The following UNC13C variants were observed in gnomAD, a reference collection of about 807,000 sequenced individuals.
UNC13C encodes protein unc-13 homolog C.
A neutral mutation model predicts 245.4 loss-of-function variants in UNC13C; 174 were observed. The observed-to-expected ratio is 0.71, with a 90% CI of 0.63 to 0.80. The LOEUF (loss-of-function observed/expected upper bound fraction) is 0.80. Ranked by LOEUF, UNC13C falls within the 30% of genes least tolerant of loss-of-function variation. The pLI is 0.00. For synonymous variants in UNC13C, 992 were observed against 895.1 expected (o/e 1.11, Z -1.93); for missense variants, 2,829 against 2,602.9 (o/e 1.09, Z -1.89).
At chr15:54,256,070 A>G (rs1051427569) in intron 8 of UNC13C, among the ~76,000 whole-genome samples, 5 of 152,222 alleles carry the variant, frequency 3.3e-5, no homozygotes, top group Non-Finnish European at 5.9e-5. Flanking sequence ...TTTAAAAATA[A>G]TCTGACTTCC....
intron 8 of UNC13C, among the ~76,000 whole-genome samples, chr15:54,255,227 G>A (rs1052572509): frequency 2.6e-5 from 4 of 152,258 alleles, no homozygotes; most frequent in Middle Eastern, 6.8e-3. Flanking sequence ...AAGGACAGAG[G>A]GCTTTCTGTA....
rs747615098 is a variant in UNC13C at position 54,293,877 on chromosome 15, A to G, written c.3819-18A>G. 1.3e-6 allele frequency: 2 copies of G among 1,516,826 alleles called. No individual in the cohort carries two copies. The highest frequency in any genetic ancestry group is 1.3e-5 in the South Asian group (1 of 74,212). 94.0% of individuals were successfully genotyped at this position (1,516,826 alleles called of 1,614,324 possible). A position where few individuals can be genotyped will look rare whatever the true frequency, so the allele number is the denominator to read the frequency against. The stretch of plus-strand genomic sequence containing the variant: ...AGCAGTTTTCAATTGTTGTTAACTT[A>G]TCCACATTTATTTTCAGTGAGTGTC... On this transcript the variant is annotated intron_variant, in intron 10 of 32. Transcript: ENST00000260323.
intron 22 of UNC13C, among the ~76,000 whole-genome samples, chr15:54,506,203 A>G (rs1894466277): frequency 6.6e-6 from 1 of 152,176 alleles, no homozygotes; most frequent in South Asian, 2.1e-4. Context: ...ACGATTGCCT[A>G]AAGTCAGGTT....
chr15:53,964,045 G>T, the UNC13C span, among the ~76,000 whole-genome samples: 1 of 152,094 alleles, frequency 6.6e-6, no homozygotes, highest in Non-Finnish European at 1.5e-5. Flanking sequence ...GGAAAGAAAT[G>T]GTCTTTACCC....
intron 18 of UNC13C, among the ~76,000 whole-genome samples, chr15:54,407,480 A>G (rs984696902): frequency 8.5e-5 from 13 of 152,354 alleles, no homozygotes; most frequent in Admixed American, 7.8e-4. Context: ...CAAAGGTACA[A>G]AAAGTACCAT....
chr15:54,546,586 G>C, intron 26 of UNC13C, 136 bp from the exon 27 acceptor site: 1 of 468,196 alleles, frequency 2.1e-6, no homozygotes, highest in Middle Eastern at 6.1e-4. Flanking sequence ...ACAGAATCAT[G>C]AAATAGTTTT....
chr15:54,439,059 C>T (rs1246127833), intron 19 of UNC13C, among the ~76,000 whole-genome samples: 2 of 152,072 alleles, frequency 1.3e-5, no homozygotes, highest in East Asian at 3.9e-4. Flanking sequence ...ATCAGGACAA[C>T]ATTATCTTCC....
At chr15:54,564,330 G>A (rs2141211572) in intron 29 of UNC13C, among the ~76,000 whole-genome samples, 1 of 152,100 alleles carries the variant, frequency 6.6e-6, no homozygotes, top group Non-Finnish European at 1.5e-5. Context: ...TAAAAAAGAG[G>A]AAGTCAGTTG....
intron 10 of UNC13C, among the ~76,000 whole-genome samples, chr15:54,274,666 A>AATT (rs1567151983): frequency 1.3e-5 from 1 of 78,272 alleles, no homozygotes; most frequent in African/African-American, 6.3e-5. Context: ...AATAAAGTAG[A>AATT]CTTTTTTTTT....
rs148266217 is a variant in UNC13C, at chr15:54,444,499, C to A, written c.4933+29432C>A. On this transcript the variant is annotated intron_variant, in intron 19 of 32. Transcript: ENST00000260323. ...CCATTCATCCAGTCTATATCTTTTA[C>A]GTAGGAAAATTTAATTTATTTCAAT... Among the ~76,000 whole-genome samples, 763 of 151,804 alleles carry A rather than the reference C, an allele frequency of 5.0e-3. 6 individuals carry two copies. Among genetic ancestry groups the A allele is most frequent in the African/African-American group, 0.017 (713 of 41,464 alleles).
At chr15:53,982,730 C>G (rs1893975110) in intron 1 of UNC13C, among the ~76,000 whole-genome samples, 1 of 152,138 alleles carries the variant, frequency 6.6e-6, no homozygotes, top group Admixed American at 6.5e-5. Context: ...AGCTCAGTCA[C>G]CAATTGTCTG....
chr15:54,622,221 CTAT>C, intron 30 of UNC13C, 103 bp from the exon 31 acceptor site: 1 of 779,310 alleles, frequency 1.3e-6, no homozygotes, highest in Non-Finnish European at 2.3e-6. Context: ...ATGGAAAGAA[CTAT>C]TCATTTCCAA....
intron 2 of UNC13C, among the ~76,000 whole-genome samples, chr15:54,063,327 G>C (rs900195772): frequency 1.3e-5 from 2 of 152,166 alleles, no homozygotes; most frequent in African/African-American, 2.4e-5. Context: ...AGTAAGAGGT[G>C]TGTGGTGGGG....
chr15:54,248,379 A>G (rs2036052461), intron 7 of UNC13C, among the ~76,000 whole-genome samples: 1 of 152,158 alleles, frequency 6.6e-6, no homozygotes, highest in Non-Finnish European at 1.5e-5. Flanking sequence ...GTCTGTGGGT[A>G]GCTAATGAAA....
intron 8 of UNC13C, among the ~76,000 whole-genome samples, chr15:54,252,120 A>G (rs1426960649): frequency 6.6e-6 from 1 of 152,208 alleles, no homozygotes; most frequent in African/African-American, 2.4e-5. Context: ...AGGCATCTTA[A>G]GAAATAAGCA....
At position 54,221,283 on chromosome 15, in the gene UNC13C, G is replaced by T. The variant is rs553612176; in HGVS notation, c.3072-13747G>T. 2.6e-5 allele frequency among the ~76,000 whole-genome samples: 4 copies of T among 152,022 alleles called. No individual in the cohort carries two copies. The East Asian group carries it at 7.7e-4, about 29-fold the overall frequency. On this transcript the variant is annotated intron_variant, in intron 4 of 32. Transcript: ENST00000260323. ...AATAATGAAGAGAGATGGTGTTATAGCTCTGATGAAATATGAAATCAAAAA... is the reference window on the plus strand; with the variant it reads ...AATAATGAAGAGAGATGGTGTTATATCTCTGATGAAATATGAAATCAAAAA...
rs1472587477 is a variant in UNC13C at position 54,300,494 on chromosome 15, T to A, written c.4268+121T>A. 10 of 1,024,298 alleles carry A rather than the reference T, an allele frequency of 9.8e-6. No homozygotes were observed. In the South Asian group the frequency reaches 1.5e-4, roughly 15 times the overall value. The allele number at this position is 1,024,298 out of a possible 1,614,324, so 63.5% of individuals were successfully genotyped here. A position where few individuals can be genotyped will look rare whatever the true frequency, so the allele number is the denominator to read the frequency against. On this transcript the variant is annotated intron_variant, in intron 13 of 32. Coordinates refer to ENST00000260323, the MANE Select transcript of UNC13C (RefSeq NM_001080534.3). The stretch of plus-strand genomic sequence containing the variant: ...TTAAAAAGAGGATTATATTTCACTG[T>A]GCATGTTTGATGCTGACTACTCTCT...
At chr15:53,932,501 G>C in the UNC13C span, among the ~76,000 whole-genome samples, 1 of 152,144 alleles carries the variant, frequency 6.6e-6, no homozygotes, top group Non-Finnish European at 1.5e-5. Flanking sequence ...ATACCTGAAA[G>C]TGTTAACAAG....
intron 23 of UNC13C, among the ~76,000 whole-genome samples, chr15:54,507,771 G>A (rs1894537254): frequency 6.6e-6 from 1 of 151,678 alleles, no homozygotes; most frequent in Admixed American, 6.6e-5. Flanking sequence ...ATGATGGAAG[G>A]TGAAAGCTTT....
Sources: allele counts gnomAD v4.1 joint callset (sites outside exome capture counted in the v4.1 genomes callset), GRCh38; gene constraint gnomAD v4.1.1; transcripts MANE v1.5; gene names NCBI Gene and HGNC (gene_info 2026-07-23, HGNC 2026-07-21).